AGBL1: variants seen among roughly 807,000 people sequenced by gnomAD.
The protein encoded by AGBL1 is cytosolic carboxypeptidase 4.
Under a neutral mutation model 118.9 loss-of-function variants are expected in AGBL1, and 130 were observed. That is an observed-to-expected ratio of 1.09 (90% CI 0.95 to 1.26). The LOEUF (loss-of-function observed/expected upper bound fraction) is 1.26. AGBL1 is among the 50% of genes most tolerant of loss of function. The probability of loss-of-function intolerance (pLI) is 0.00; values close to 1 mark genes in which losing one functional copy is unlikely to be tolerated. For missense variants in AGBL1, 1,584 were observed against 1,298.1 expected (o/e 1.22, Z -3.38); for synonymous variants, 555 against 478.9 (o/e 1.16, Z -2.08).
chr15:86,086,266 G>A (rs1199089302), intron 1 of AGBL1: 2 of 152,160 alleles, frequency 1.3e-5, no homozygotes, highest in Non-Finnish European at 2.9e-5. Flanking sequence ...TGCAGTTGTG[G>A]AACAGGCAGC....
At chr15:86,545,698 C>A (rs553529805) in intron 19 of AGBL1, among the ~76,000 whole-genome samples, 1 of 152,236 alleles carries the variant, frequency 6.6e-6, no homozygotes, top group Non-Finnish European at 1.5e-5. Flanking sequence ...ATTCCTCCTA[C>A]CCAGTCACAA....
At chr15:86,188,701 C>G (rs1206350753) in intron 5 of AGBL1, among the ~76,000 whole-genome samples, 3 of 152,134 alleles carry the variant, frequency 2.0e-5, no homozygotes, top group African/African-American at 7.2e-5. Context: ...ACATGTTTGA[C>G]TTTATAAAAA....
intron 23 of AGBL1, among the ~76,000 whole-genome samples, chr15:86,984,945 T>A (rs530638420): frequency 2.0e-5 from 3 of 152,148 alleles, no homozygotes; most frequent in African/African-American, 7.2e-5. Context: ...TCAAAATAGG[T>A]TAGTTTGCAT....
intron 1 of AGBL1, among the ~76,000 whole-genome samples, chr15:86,108,881 C>T (rs1037425521): frequency 3.9e-5 from 6 of 152,064 alleles, no homozygotes; most frequent in Non-Finnish European, 5.9e-5. Context: ...CACTTGAACC[C>T]GGGAGGTGGA....
chr15:86,830,290 A>G (rs999338367), intron 22 of AGBL1, among the ~76,000 whole-genome samples: 1 of 152,122 alleles, frequency 6.6e-6, no homozygotes, highest in African/African-American at 2.4e-5. Flanking sequence ...ACCCTTTTCA[A>G]TCAACCTCTG....
intron 17 of AGBL1, among the ~76,000 whole-genome samples, chr15:86,348,976 C>A (rs1472174882): frequency 6.6e-6 from 1 of 152,032 alleles, no homozygotes; most frequent in Non-Finnish European, 1.5e-5. Context: ...GGCCCAAATC[C>A]AAAGACTGTT....
chr15:86,998,621 T>C (rs1390777467), intron 24 of AGBL1, among the ~76,000 whole-genome samples: 1 of 152,230 alleles, frequency 6.6e-6, no homozygotes, highest in Non-Finnish European at 1.5e-5. Context: ...TAATTTGTTA[T>C]ATGGCAATAA....
Position 86,769,256 on chromosome 15 carries a change from A to T in AGBL1, c.3158+94820A>T, listed in dbSNP as rs2078139802. ...GAGAGGGAAGAGATATTCCATTTTT[A>T]TTCTGGAATATAAGCAAACATTTCC... On this transcript the variant is annotated intron_variant, in intron 22 of 22. Coordinates refer to ENST00000614907, the MANE Select transcript of AGBL1 (RefSeq NM_001386094.1). Among the ~76,000 whole-genome samples the T allele has an allele frequency of 2.0e-5, 3 of 150,474 alleles. No individual in the cohort carries two copies. The South Asian group carries it at 6.3e-4, about 32-fold the overall frequency.
chr15:86,621,594 C>T (rs1260069425), intron 21 of AGBL1, among the ~76,000 whole-genome samples: 1 of 152,158 alleles, frequency 6.6e-6, no homozygotes, highest in Non-Finnish European at 1.5e-5. Flanking sequence ...ATCTTAGACT[C>T]ACTAAAATCC....
At chr15:86,566,747 A>C (rs952799626) in intron 21 of AGBL1, among the ~76,000 whole-genome samples, 1 of 152,142 alleles carries the variant, frequency 6.6e-6, no homozygotes, top group African/African-American at 2.4e-5. Context: ...TCTCTCCAAC[A>C]CACAAGTATA....
At chr15:86,853,762 C>A (rs927797991) in intron 22 of AGBL1, among the ~76,000 whole-genome samples, 1 of 152,166 alleles carries the variant, frequency 6.6e-6, no homozygotes, top group East Asian at 1.9e-4. Flanking sequence ...ATCGCTTGTG[C>A]CCATTTGACT....
chr15:86,903,070 G>A (rs2080234071), intron 22 of AGBL1, among the ~76,000 whole-genome samples: 1 of 151,886 alleles, frequency 6.6e-6, no homozygotes, highest in Non-Finnish European at 1.5e-5. Context: ...GGATCTTAAT[G>A]TTCTCTTTAT....
At chr15:86,482,202 G>T (rs532497034) in intron 18 of AGBL1, among the ~76,000 whole-genome samples, 1 of 152,234 alleles carries the variant, frequency 6.6e-6, no homozygotes, top group South Asian at 2.1e-4. Context: ...TAATAACAAG[G>T]CTAGCCTTCA....
At chr15:86,609,755 A>T (rs908418496) in intron 21 of AGBL1, among the ~76,000 whole-genome samples, 1 of 152,194 alleles carries the variant, frequency 6.6e-6, no homozygotes, top group Admixed American at 6.5e-5. Context: ...TTAGGGGGGA[A>T]AAAGATTTGT....
intron 17 of AGBL1, among the ~76,000 whole-genome samples, chr15:86,349,502 T>G (rs2080591791): frequency 6.6e-6 from 1 of 152,214 alleles, no homozygotes; most frequent in Admixed American, 6.5e-5. Flanking sequence ...TTTTGGGACT[T>G]TGTGTGTTGG....
intron 21 of AGBL1, among the ~76,000 whole-genome samples, chr15:86,635,508 G>C (rs756364813): frequency 2.0e-5 from 3 of 151,778 alleles, no homozygotes; most frequent in African/African-American, 7.3e-5. Context: ...TGTTTTGAAG[G>C]CTAATGTAAC....
intron 18 of AGBL1, among the ~76,000 whole-genome samples, chr15:86,521,506 A>T (rs1160976635): frequency 6.6e-6 from 1 of 152,194 alleles, no homozygotes; most frequent in Non-Finnish European, 1.5e-5. Flanking sequence ...AAATGGTTTT[A>T]TAAGGACTCT....
chr15:86,702,683 CT>C (rs1256077314), intron 22 of AGBL1, among the ~76,000 whole-genome samples: 5 of 152,122 alleles, frequency 3.3e-5, no homozygotes, highest in South Asian at 4.1e-4. Flanking sequence ...CACCTTTAAA[CT>C]CTTTTCTCCC....
chr15:86,844,772 A>C (rs1312413207), intron 22 of AGBL1, among the ~76,000 whole-genome samples: 3 of 152,152 alleles, frequency 2.0e-5, no homozygotes, highest in African/African-American at 7.2e-5. Context: ...GTAGTTAAGA[A>C]ATTTTTGCTT....
Sources: allele counts gnomAD v4.1 joint callset (sites outside exome capture counted in the v4.1 genomes callset), GRCh38; gene constraint gnomAD v4.1.1; transcripts MANE v1.5; gene names NCBI Gene and HGNC (gene_info 2026-07-23, HGNC 2026-07-21).